Variants in ZBTB16 observed in about 807,000 individuals in gnomAD.
ZBTB16 encodes the protein zinc finger and BTB domain containing 16.
In ZBTB16, 8 loss-of-function variants were observed where a neutral mutation model predicts 56.8. That is an observed-to-expected ratio of 0.14 (90% CI 0.08 to 0.25). The LOEUF is 0.25. ZBTB16 is among the 10% of genes least tolerant of loss of function. ZBTB16 has a pLI of 1.00. For synonymous variants in ZBTB16, 363 were observed against 368.5 expected (o/e 0.98, Z 0.17); for missense variants, 625 against 903.0 (o/e 0.69, Z 3.95).
Position 114,143,049 on chromosome 11 carries a change from G to T in ZBTB16, c.1269-13288G>T, listed in dbSNP as rs1941998220. Among the ~76,000 whole-genome samples, 3 of 152,166 alleles carry T rather than the reference G, an allele frequency of 2.0e-5. No individual in the cohort carries two copies. The highest frequency in any genetic ancestry group is 2.9e-5 in the Non-Finnish European group (2 of 68,034). ...GGAAATAAAGCCCCTGGCCAGCGTT[G>T]GTTTCTCTGCTGCCTTGGTGAGCGT... is the stretch of plus-strand genomic sequence containing the variant. On this transcript the variant is annotated intron_variant, in intron 2 of 6. Transcript: ENST00000335953. The surrounding 1 kb of genome is among the most constrained non-coding windows in gnomAD (Gnocchi z 6.4).
intron 3 of ZBTB16, among the ~76,000 whole-genome samples, chr11:114,174,037 C>A (rs1009272252): frequency 2.6e-5 from 4 of 152,174 alleles, no homozygotes; most frequent in African/African-American, 9.7e-5. Context: ...TACCTTTGAA[C>A]TCATTCCTCT....
At chr11:114,138,747 G>A (rs1397973166) in intron 2 of ZBTB16, among the ~76,000 whole-genome samples, 1 of 151,918 alleles carries the variant, frequency 6.6e-6, no homozygotes, top group African/African-American at 2.4e-5. Context: ...CTGGAGTGCA[G>A]TGGTGCGATC....
intron 2 of ZBTB16, among the ~76,000 whole-genome samples, chr11:114,069,246 C>T (rs532485468): frequency 2.0e-4 from 30 of 152,304 alleles, no homozygotes; most frequent in East Asian, 5.8e-4. Flanking sequence ...CCACCACGCC[C>T]GGCTAATTTT....
At position 114,250,425 on chromosome 11, in the gene ZBTB16, A is replaced by G; in HGVS notation, c.1892A>G (p.Gln631Arg). The G allele has an allele frequency of 6.2e-7, 1 of 1,614,128 alleles. No individual in the cohort carries two copies. Among genetic ancestry groups the G allele is most frequent in the Non-Finnish European group, 8.5e-7 (1 of 1,180,040 alleles). Residue 631 changes from glutamine (Q) to arginine (R), a missense_variant, in exon 7 of 7, where the codon CAG becomes CGG. Coordinates refer to ENST00000335953, the MANE Select transcript of ZBTB16 (RefSeq NM_006006.6). The surrounding 1 kb of genome is among the most constrained non-coding windows in gnomAD (Gnocchi z 6.0). The part of the protein sequence containing the change: ...LRTHNGASPY[Q>R]CTICTEYCPS... Reference sequence around the variant, plus strand: ...ACGCACAACGGCGCCTCGCCCTACCAGTGCACCATCTGCACAGAGTACTGC... The same window carrying G: ...ACGCACAACGGCGCCTCGCCCTACCGGTGCACCATCTGCACAGAGTACTGC...
intron 2 of ZBTB16, among the ~76,000 whole-genome samples, chr11:114,134,000 GGA>G (rs1941735531): frequency 6.6e-6 from 1 of 152,212 alleles, no homozygotes; most frequent in Non-Finnish European, 1.5e-5. Context: ...AGCCCAGAGT[GGA>G]GAGCTTGGCA....
intron 2 of ZBTB16, among the ~76,000 whole-genome samples, chr11:114,065,477 T>C (rs1939079498): frequency 6.6e-6 from 1 of 152,142 alleles, no homozygotes; most frequent in Admixed American, 6.6e-5. Flanking sequence ...AGTGCAATGG[T>C]GTGATCTCTG....
chr11:114,235,744 C>CT (rs1480622999), intron 4 of ZBTB16, among the ~76,000 whole-genome samples: 17 of 136,000 alleles, frequency 1.3e-4, no homozygotes, highest in African/African-American at 4.0e-4. Flanking sequence ...CTTTTCTTTT[C>CT]TTTCCTTCCT....
chr11:114,149,453 G>T (rs1286621200), intron 2 of ZBTB16, among the ~76,000 whole-genome samples: 2 of 152,150 alleles, frequency 1.3e-5, no homozygotes, highest in Non-Finnish European at 2.9e-5. Context: ...AGAGGCACCT[G>T]CTGTGTGCTC....
chr11:114,187,092 T>C (rs760244582), intron 4 of ZBTB16, 54 bp downstream of exon 4: 4 of 1,571,488 alleles, frequency 2.5e-6, no homozygotes, highest in Non-Finnish European at 3.5e-6. Flanking sequence ...TGGTAGCACA[T>C]GGACATGAAC....
intron 2 of ZBTB16, among the ~76,000 whole-genome samples, chr11:114,092,439 A>G (rs1591657495): frequency 6.6e-6 from 1 of 152,082 alleles, no homozygotes; most frequent in African/African-American, 2.4e-5. Context: ...GTGTGGAGCA[A>G]AGTGATTCCT....
chr11:114,223,179 C>T (rs1273845899), intron 4 of ZBTB16, among the ~76,000 whole-genome samples: 1 of 152,164 alleles, frequency 6.6e-6, no homozygotes, highest in Admixed American at 6.5e-5. Context: ...TGAATGACTC[C>T]TCATCAGGAA....
chr11:114,141,611 A>G (rs1810148374), intron 2 of ZBTB16, among the ~76,000 whole-genome samples: 1 of 152,240 alleles, frequency 6.6e-6, no homozygotes, highest in Non-Finnish European at 1.5e-5. Flanking sequence ...TCTGCTTGAC[A>G]GATGAGAAAA....
At chr11:114,191,007 G>A (rs1943480458) in intron 4 of ZBTB16, among the ~76,000 whole-genome samples, 1 of 152,154 alleles carries the variant, frequency 6.6e-6, no homozygotes, top group Non-Finnish European at 1.5e-5. Context: ...CGTGGCCAGA[G>A]CAGGAGCTAG....
At chr11:114,100,959 GGT>G (rs1940584629) in intron 2 of ZBTB16, among the ~76,000 whole-genome samples, 2 of 152,016 alleles carry the variant, frequency 1.3e-5, no homozygotes, top group African/African-American at 4.8e-5. Flanking sequence ...GCATCTCGGG[GGT>G]CCCCGGGGGG....
chr11:114,148,308 C>G, intron 2 of ZBTB16, among the ~76,000 whole-genome samples: 1 of 151,234 alleles, frequency 6.6e-6, no homozygotes, highest in Non-Finnish European at 1.5e-5. Context: ...CAGGCCAAGG[C>G]AGGATGCATA....
intron 3 of ZBTB16, among the ~76,000 whole-genome samples, chr11:114,180,070 G>A (rs1255457168): frequency 6.6e-6 from 1 of 152,204 alleles, no homozygotes; most frequent in African/African-American, 2.4e-5. Flanking sequence ...ACACACGGAG[G>A]CCTCAGTCCC....
intron 2 of ZBTB16, among the ~76,000 whole-genome samples, chr11:114,123,529 ATGTC>A (rs1326084046): frequency 1.3e-5 from 2 of 152,148 alleles, no homozygotes; most frequent in African/African-American, 2.4e-5. Context: ...ATGTATGCAC[ATGTC>A]TGTCTGTGTG....
intron 2 of ZBTB16, among the ~76,000 whole-genome samples, chr11:114,140,763 T>C (rs1941924430): frequency 6.6e-6 from 1 of 152,208 alleles, no homozygotes; most frequent in Admixed American, 6.5e-5. Context: ...TCTCTTTTCT[T>C]GTACCTTCCT....
At chr11:114,211,723 G>A (rs879601148) in intron 4 of ZBTB16, among the ~76,000 whole-genome samples, 5 of 152,290 alleles carry the variant, frequency 3.3e-5, no homozygotes, top group South Asian at 4.1e-4. Flanking sequence ...CCCCGTTTGC[G>A]TTCGCAGTGG....
Sources: allele counts gnomAD v4.1 joint callset (sites outside exome capture counted in the v4.1 genomes callset), GRCh38; gene constraint gnomAD v4.1.1; non-coding constraint Gnocchi (gnomAD v3.1); transcripts MANE v1.5; gene names NCBI Gene and HGNC (gene_info 2026-07-23, HGNC 2026-07-21).